Variants in SCMH1 observed in about 807,000 individuals in gnomAD.
The protein encoded by SCMH1 is Scm polycomb group protein homolog 1.
SCMH1 carries 37 observed loss-of-function variants against 70.8 expected under a neutral mutation model. The ratio of observed to expected loss-of-function variants is 0.52; its 90% CI spans 0.40 to 0.69. The LOEUF (loss-of-function observed/expected upper bound fraction) is 0.69. SCMH1 is among the 30% of genes least tolerant of loss of function. SCMH1 has a pLI of 0.00. For missense variants in SCMH1, 607 were observed against 827.3 expected (o/e 0.73, Z 3.27); for synonymous variants, 292 against 307.4 (o/e 0.95, Z 0.52).
At chr1:41,129,393 ACTTT>A (rs955861016) in intron 6 of SCMH1, among the ~76,000 whole-genome samples, 2 of 152,058 alleles carry the variant, frequency 1.3e-5, no homozygotes, top group African/African-American at 4.8e-5. Flanking sequence ...CTACTATTGT[ACTTT>A]CTGTCTCTAT....
chr1:41,092,674 A>C (rs1663955131), intron 8 of SCMH1, among the ~76,000 whole-genome samples: 1 of 152,240 alleles, frequency 6.6e-6, no homozygotes, highest in East Asian at 1.9e-4. Context: ...ACAAATTTAC[A>C]AGAAAAAATC....
chr1:41,185,766 G>A (rs1277743189), intron 2 of SCMH1, among the ~76,000 whole-genome samples: 1 of 151,618 alleles, frequency 6.6e-6, no homozygotes, highest in African/African-American at 2.4e-5. Flanking sequence ...CTCCCAAGTA[G>A]CTGGGATTAC....
intron 2 of SCMH1, among the ~76,000 whole-genome samples, chr1:41,176,034 T>C (rs917905780): frequency 2.6e-5 from 4 of 151,266 alleles, no homozygotes; most frequent in South Asian, 2.1e-4. Context: ...GCTACCAGTA[T>C]ACACAAAATT....
intron 10 of SCMH1, among the ~76,000 whole-genome samples, chr1:41,065,892 C>CCTTGGGTT (rs1393014287): frequency 6.6e-6 from 1 of 152,114 alleles, no homozygotes; most frequent in East Asian, 1.9e-4. Flanking sequence ...ATCTAGATGA[C>CCTTGGGTT]CTTGGGTTTG....
chr1:41,032,727 C>T (rs757350318), intron 13 of SCMH1, among the ~76,000 whole-genome samples: 4 of 152,116 alleles, frequency 2.6e-5, no homozygotes, highest in Admixed American at 6.5e-5. Context: ...TGCCTGTAAT[C>T]GCAGCACTTT....
At chr1:41,063,562 TAAAC>T (rs142137886) in intron 10 of SCMH1, among the ~76,000 whole-genome samples, 116,098 of 151,126 alleles carry the variant, frequency 0.77, 45,514 homozygotes, top group African/African-American at 0.93. Context: ...CCAGGCTAAC[TAAAC>T]AAACAAACAA....
chr1:41,098,762 C>G (rs1349848636), intron 8 of SCMH1: 1 of 134,462 alleles, frequency 7.4e-6, no homozygotes, highest in South Asian at 2.8e-4. Context: ...CCCCCTTCCT[C>G]CCCCCGACCC....
intron 8 of SCMH1, among the ~76,000 whole-genome samples, chr1:41,107,772 C>A (rs1668347563): frequency 6.6e-6 from 1 of 152,166 alleles, no homozygotes; most frequent in Non-Finnish European, 1.5e-5. Flanking sequence ...CCTGCCTCGG[C>A]CTCCCAAAGT....
exon 15 of SCMH1, chr1:41,028,055 T>G: frequency 9.3e-6 from 9 of 964,546 alleles, no homozygotes; most frequent in East Asian, 2.5e-5. Context: ...TGGCTAGGAG[T>G]GGTGGCTCCA....
chr1:41,099,509 A>T (rs1010037819), intron 8 of SCMH1, among the ~76,000 whole-genome samples: 1 of 152,256 alleles, frequency 6.6e-6, no homozygotes. Flanking sequence ...CCTAACGGTT[A>T]TCTCTAAATC....
intron 8 of SCMH1, among the ~76,000 whole-genome samples, chr1:41,084,313 G>A (rs781707122): frequency 4.6e-5 from 7 of 152,118 alleles, no homozygotes; most frequent in Non-Finnish European, 7.4e-5. Flanking sequence ...AAAAGTGGGC[G>A]AAGGACATGA....
chr1:41,069,346 T>G (rs111765747), intron 10 of SCMH1, among the ~76,000 whole-genome samples: 64 of 152,210 alleles, frequency 4.2e-4, no homozygotes, highest in South Asian at 1.0e-3. Flanking sequence ...AAGACAGCAA[T>G]ATAGACATGC....
chr1:41,126,841 T>C (rs2148019467), intron 6 of SCMH1, among the ~76,000 whole-genome samples: 2 of 152,310 alleles, frequency 1.3e-5, no homozygotes, highest in Non-Finnish European at 2.9e-5. Context: ...TATATTGCTT[T>C]ATTTTTGTGG....
At chr1:41,142,747 G>C (rs1256159497) in intron 6 of SCMH1, 131 bp downstream of exon 6, 2 of 700,576 alleles carry the variant, frequency 2.9e-6, no homozygotes, top group Admixed American at 5.7e-5. Flanking sequence ...TTTTGGGTGG[G>C]CCTTTTTAGG....
At chr1:41,107,847 C>T (rs560753667) in intron 8 of SCMH1, among the ~76,000 whole-genome samples, 56 of 152,278 alleles carry the variant, frequency 3.7e-4, no homozygotes, top group African/African-American at 1.3e-3. Flanking sequence ...ACTCTTTCTG[C>T]CCTAGAATCC....
chr1:41,242,266 C>T (rs1027103101), upstream of SCMH1: 126 of 143,350 alleles, frequency 8.8e-4, 1 homozygote, highest in African/African-American at 3.0e-3. This position sits in a 1 kb window ranked among gnomAD's most constrained non-coding sequence, Gnocchi z 5.2. Flanking sequence ...CCCGCGCCTC[C>T]CGCTGCGAGG....
chr1:41,051,264 A>G (rs1331847166), intron 10 of SCMH1, among the ~76,000 whole-genome samples: 2 of 152,186 alleles, frequency 1.3e-5, no homozygotes, highest in Non-Finnish European at 2.9e-5. Context: ...GTGTAAACAA[A>G]CCTACTACAC....
intron 2 of SCMH1, among the ~76,000 whole-genome samples, chr1:41,179,423 C>T (rs1022094329): frequency 1.3e-5 from 2 of 152,148 alleles, no homozygotes; most frequent in Non-Finnish European, 2.9e-5. Context: ...ATCAATGAAT[C>T]CAGGAGCTGG....
chr1:41,164,636 A>G (rs1017393818), intron 2 of SCMH1, among the ~76,000 whole-genome samples: 17 of 152,100 alleles, frequency 1.1e-4, no homozygotes, highest in Admixed American at 1.1e-3. Context: ...GTTACTGTGG[A>G]TGAAGTGTCT....
Sources: gnomAD v4.1 joint callset for allele counts (sites outside exome capture counted in the v4.1 genomes callset) on GRCh38, gnomAD v4.1.1 for gene constraint, Gnocchi (gnomAD v3.1) non-coding constraint, MANE v1.5 for transcripts, NCBI Gene and HGNC (gene_info 2026-07-23, HGNC 2026-07-21) for gene names.